DRAM1: variants seen among roughly 807,000 people sequenced by gnomAD.
The protein encoded by DRAM1 is DNA damage regulated autophagy modulator 1.
Under a neutral mutation model 28.5 loss-of-function variants are expected in DRAM1, and 25 were observed. That is an observed-to-expected ratio of 0.88 (90% CI 0.64 to 1.23). The LOEUF is 1.23. DRAM1 is among the 50% of genes most tolerant of loss of function. The probability of loss-of-function intolerance (pLI) is 0.00; values close to 1 mark genes in which losing one functional copy is unlikely to be tolerated. For synonymous variants in DRAM1, 113 were observed against 114.2 expected (o/e 0.99, Z 0.07); for missense variants, 249 against 299.2 (o/e 0.83, Z 1.24).
intron 5 of DRAM1, among the ~76,000 whole-genome samples, chr12:101,919,379 G>A (rs77917567): frequency 0.023 from 3,567 of 151,926 alleles, 145 homozygotes; most frequent in African/African-American, 0.082. Flanking sequence ...CTGATGAGGC[G>A]TGGGCTCCCT....
chr12:101,915,037 T>C (rs977838718), intron 5 of DRAM1, among the ~76,000 whole-genome samples: 8 of 150,564 alleles, frequency 5.3e-5, no homozygotes, highest in Admixed American at 4.7e-4. Flanking sequence ...TGGAGTGCAG[T>C]GGCACAATCT....
chr12:101,905,937 G>A lies in DRAM1; in HGVS notation c.343-2249G>A, dbSNP rs762768334. On this transcript the variant is annotated intron_variant, in intron 3 of 6. Coordinates refer to ENST00000258534, the MANE Select transcript of DRAM1 (RefSeq NM_018370.3). Reference sequence around the variant, plus strand: ...CCCTGGTAGCTGGGATTACAGGCACGCGCCACCACGCCTGGCTAGTTTTTG... The same window carrying A: ...CCCTGGTAGCTGGGATTACAGGCACACGCCACCACGCCTGGCTAGTTTTTG... 1.1e-4 allele frequency among the ~76,000 whole-genome samples: 16 copies of A among 152,128 alleles called. No homozygotes were observed. The East Asian group carries it at 1.4e-3, about 13-fold the overall frequency.
chr12:101,895,016 G>A (rs1873292552), intron 1 of DRAM1, among the ~76,000 whole-genome samples: 1 of 152,020 alleles, frequency 6.6e-6, no homozygotes, highest in Non-Finnish European at 1.5e-5. Context: ...CAAAAGTGCT[G>A]CCCAAGGTTA....
At chr12:101,879,079 C>T (rs1872599429) in intron 1 of DRAM1, among the ~76,000 whole-genome samples, 1 of 152,092 alleles carries the variant, frequency 6.6e-6, no homozygotes, top group African/African-American at 2.4e-5. Context: ...ACCGCAACCT[C>T]TGCCTCCCGG....
chr12:101,920,406 T>C lies in DRAM1; in HGVS notation c.672+205T>C, dbSNP rs573905108. Among the ~76,000 whole-genome samples the C allele has an allele frequency of 4.0e-5, 6 of 151,754 alleles. No individual in the cohort carries two copies. The South Asian group carries it at 1.2e-3, about 32-fold the overall frequency. ...CTGCAAAAAGAGCACTTTCTTTTTA[T>C]CCTTAATGTGTTTGAGAAAAATCTG... On this transcript the variant is annotated intron_variant, in intron 6 of 6. Coordinates refer to ENST00000258534, the MANE Select transcript of DRAM1 (RefSeq NM_018370.3).
chr12:101,888,254 C>T lies in DRAM1; in HGVS notation c.132-9609C>T, dbSNP rs968294720. Reference sequence around the variant, plus strand: ...AAGTGATTCTCCTGACTCAGCCTCCCGAGTAGCTGGGATTACAGGCGTCCG... The same window carrying T: ...AAGTGATTCTCCTGACTCAGCCTCCTGAGTAGCTGGGATTACAGGCGTCCG... On this transcript the variant is annotated intron_variant, in intron 1 of 6. Transcript: ENST00000258534. 4.6e-5 allele frequency among the ~76,000 whole-genome samples: 7 copies of T among 151,926 alleles called. No individual in the cohort carries two copies. The South Asian group carries it at 6.2e-4, about 14-fold the overall frequency.
At chr12:101,899,012 C>T (rs938148764) in intron 2 of DRAM1, among the ~76,000 whole-genome samples, 3 of 152,288 alleles carry the variant, frequency 2.0e-5, no homozygotes, top group Admixed American at 1.3e-4. Flanking sequence ...TAATCTCCCC[C>T]CAAACAATCA....
intron 1 of DRAM1, among the ~76,000 whole-genome samples, chr12:101,882,443 A>G (rs1028829787): frequency 3.3e-5 from 5 of 151,082 alleles, no homozygotes; most frequent in African/African-American, 7.3e-5. Context: ...ACAGTTGAAC[A>G]CTTTAAATAA....
rs942171051 is a variant in DRAM1 at position 101,887,461 on chromosome 12, T to C, written c.131+9541T>C. On this transcript the variant is annotated intron_variant, in intron 1 of 6. Transcript: ENST00000258534. ...CCACAGGTGGGCAAATGAATACACA[T>C]TGATACACTTTAAGTTAAAATAAAA... 3.9e-5 allele frequency among the ~76,000 whole-genome samples: 6 copies of C among 152,178 alleles called. No individual in the cohort carries two copies. In the East Asian group the frequency reaches 1.2e-3, roughly 29 times the overall value.
chr12:101,899,899 T>G (rs1441258055), intron 2 of DRAM1, among the ~76,000 whole-genome samples: 3 of 152,230 alleles, frequency 2.0e-5, no homozygotes, highest in African/African-American at 7.2e-5. Flanking sequence ...ATTTTGTAAT[T>G]CTAATGTTGA....
intron 1 of DRAM1, among the ~76,000 whole-genome samples, chr12:101,894,765 C>G (rs1197717553): frequency 6.6e-6 from 1 of 152,298 alleles, no homozygotes; most frequent in East Asian, 1.9e-4. Context: ...TCCCTATCTT[C>G]CTAAATATCC....
Position 101,909,242 on chromosome 12 carries a change from C to T in DRAM1, c.520+879C>T, listed in dbSNP as rs542917857. Reference sequence around the variant, plus strand: ...CACCATTGCACTCCAGCCTGGGCAACAAGAGTGAAACTCCGTCTCAAAAAA... The same window carrying T: ...CACCATTGCACTCCAGCCTGGGCAATAAGAGTGAAACTCCGTCTCAAAAAA... On this transcript the variant is annotated intron_variant, in intron 4 of 6. Coordinates refer to ENST00000258534, the MANE Select transcript of DRAM1 (RefSeq NM_018370.3). Among the ~76,000 whole-genome samples the T allele has an allele frequency of 2.7e-5, 4 of 149,234 alleles. No homozygotes were observed. In the South Asian group the frequency reaches 8.3e-4, roughly 31 times the overall value.
At chr12:101,889,338 T>G (rs1873007611) in intron 1 of DRAM1, among the ~76,000 whole-genome samples, 1 of 152,194 alleles carries the variant, frequency 6.6e-6, no homozygotes, top group African/African-American at 2.4e-5. Flanking sequence ...CTAAATTGTT[T>G]CCATTGAAAT....
intron 1 of DRAM1, among the ~76,000 whole-genome samples, chr12:101,879,533 G>A (rs527827180): frequency 6.6e-6 from 1 of 152,122 alleles, no homozygotes; most frequent in East Asian, 1.9e-4. Context: ...CCCTTGCTTT[G>A]GCCTCCCAGA....
At chr12:101,910,230 C>T (rs1873987540) in intron 4 of DRAM1, among the ~76,000 whole-genome samples, 1 of 152,018 alleles carries the variant, frequency 6.6e-6, no homozygotes, top group East Asian at 1.9e-4. Flanking sequence ...TCTCAAATCC[C>T]TTGTCTTACT....
intron 3 of DRAM1, among the ~76,000 whole-genome samples, chr12:101,904,481 A>AC (rs1873728840): frequency 9.9e-6 from 1 of 101,006 alleles, no homozygotes; most frequent in Non-Finnish European, 1.8e-5. Context: ...TTGCTCTGTC[A>AC]CCCAGGCTGG....
chr12:101,914,482 C>CTTTTT (rs1437711201), intron 5 of DRAM1, among the ~76,000 whole-genome samples: 10 of 138,138 alleles, frequency 7.2e-5, no homozygotes, highest in African/African-American at 2.2e-4. Context: ...TCTTCTTCTT[C>CTTTTT]TTCTTTTTTT....
intron 1 of DRAM1, among the ~76,000 whole-genome samples, chr12:101,891,728 A>G (rs369769099): frequency 1.3e-5 from 2 of 152,240 alleles, no homozygotes; most frequent in African/African-American, 4.8e-5. Flanking sequence ...TCCTCTTTAC[A>G]GTTTCCAGAA....
intron 1 of DRAM1, among the ~76,000 whole-genome samples, chr12:101,883,576 A>C (rs1394166126): frequency 1.3e-5 from 2 of 150,922 alleles, no homozygotes; most frequent in Non-Finnish European, 3.0e-5. Context: ...GGCCTCCCAA[A>C]GTGCTGGGAT....
Sources: gnomAD v4.1 joint callset for allele counts (sites outside exome capture counted in the v4.1 genomes callset) on GRCh38, gnomAD v4.1.1 for gene constraint, MANE v1.5 for transcripts, NCBI Gene and HGNC (gene_info 2026-07-23, HGNC 2026-07-21) for gene names.